The following DHRS2 variants were observed in gnomAD, a reference collection of about 807,000 sequenced individuals.
DHRS2 encodes the protein dehydrogenase/reductase SDR family member 2, mitochondrial.
Under a neutral mutation model 26.3 loss-of-function variants are expected in DHRS2, and 29 were observed. That is an observed-to-expected ratio of 1.10 (90% CI 0.82 to 1.50). The LOEUF is 1.50. DHRS2 is among the 40% of genes most tolerant of loss of function. The pLI, the probability that DHRS2 is intolerant of heterozygous loss-of-function variation, is 0.00. For missense variants in DHRS2, 439 were observed against 367.1 expected (o/e 1.20, Z -1.60); for synonymous variants, 164 against 151.3 (o/e 1.08, Z -0.62).
chr14:23,644,367 C>G, intron 6 of DHRS2, 42 bp from the exon 7 acceptor site: 2 of 1,610,788 alleles, frequency 1.2e-6, no homozygotes, highest in African/African-American at 1.3e-5. Context: ...TGCTTTCCCC[C>G]ACTCTCCCAT....
chr14:23,644,650 A>G (rs1323336653), intron 7 of DHRS2, 107 bp downstream of exon 7: 1 of 1,547,790 alleles, frequency 6.5e-7, no homozygotes, highest in Non-Finnish European at 8.9e-7. Flanking sequence ...CATGCCTATG[A>G]CTGAGGTCCT....
chr14:23,638,974 G>T lies in DHRS2; in HGVS notation c.110G>T (p.Arg37Leu), dbSNP rs562008596. 3.7e-6 allele frequency: 6 copies of T among 1,613,612 alleles called. No individual in the cohort carries two copies. The highest frequency in any genetic ancestry group is 3.3e-5 in the South Asian group (3 of 91,056). ...GIDRKGVLAN[R>L]VAVVTGSTSG... ...GACAGGAAGGGCGTCCTGGCTAACCGGGTAGCCGTGGTCACGGGGTCCACC... is the reference window on the plus strand; with the variant it reads ...GACAGGAAGGGCGTCCTGGCTAACCTGGTAGCCGTGGTCACGGGGTCCACC... Residue 37 changes from arginine (R) to leucine (L), a missense_variant, in exon 2 of 9, where the codon CGG becomes CTG. Coordinates refer to ENST00000250383, the MANE Select transcript of DHRS2 (RefSeq NM_005794.4).
In DHRS2 at chr14:23,639,210, C is replaced by G; in HGVS notation, c.172C>G (p.Arg58Gly). 3 of 1,613,836 alleles carry G rather than the reference C, an allele frequency of 1.9e-6. No individual in the cohort carries two copies. Among genetic ancestry groups the G allele is most frequent in the Non-Finnish European group, 2.5e-6 (3 of 1,179,916 alleles). Reference protein sequence around the residue: ...IGFAIARRLARDGAHVVISSR... With the variant: ...IGFAIARRLAGDGAHVVISSR... The stretch of plus-strand genomic sequence containing the variant: ...CTTTGCCATCGCCCGACGTCTGGCC[C>G]GGGACGGGGCCCACGTGGTCATCAG... The change falls in exon 3 of 9, where the codon CGG becomes GGG. Residue 58 changes from arginine (R) to glycine (G), a missense_variant. Coordinates refer to ENST00000250383, the MANE Select transcript of DHRS2 (RefSeq NM_005794.4).
intron 1 of DHRS2, among the ~76,000 whole-genome samples, chr14:23,630,883 G>A (rs971699605): frequency 6.6e-6 from 1 of 152,210 alleles, no homozygotes; most frequent in Non-Finnish European, 1.5e-5. Flanking sequence ...AAGAGTTGAG[G>A]TCAATAGAAA....
chr14:23,632,469 G>A (rs1347434827), upstream of DHRS2, among the ~76,000 whole-genome samples: 2 of 152,128 alleles, frequency 1.3e-5, no homozygotes, highest in African/African-American at 4.8e-5. Flanking sequence ...GATTGTTTTT[G>A]GAAATACAAT....
At chr14:23,643,296 C>T in intron 5 of DHRS2, 77 bp downstream of exon 5, 3 of 1,337,140 alleles carry the variant, frequency 2.2e-6, no homozygotes, top group Non-Finnish European at 3.2e-6. Flanking sequence ...GGTAGCACAG[C>T]CAGTAGTGGG....
upstream of DHRS2, among the ~76,000 whole-genome samples, chr14:23,633,338 C>T (rs573548430): frequency 7.9e-5 from 12 of 152,302 alleles, no homozygotes; most frequent in East Asian, 2.1e-3. Context: ...CAATCAGCAC[C>T]GGCCTGCTGG....
chr14:23,634,036 A>G (rs1374112691), upstream of DHRS2, among the ~76,000 whole-genome samples: 1 of 149,272 alleles, frequency 6.7e-6, no homozygotes, highest in Non-Finnish European at 1.5e-5. Flanking sequence ...CCAGCACGCT[A>G]GAAGCTCTTT....
chr14:23,644,789 T>C (rs1276823748), intron 7 of DHRS2, 38 bp from the exon 8 acceptor site: 2 of 1,611,590 alleles, frequency 1.2e-6, no homozygotes, highest in Non-Finnish European at 1.7e-6. Flanking sequence ...CATCTTGTTT[T>C]AGTAGCACTG....
chr14:23,638,028 C>T (rs1300202463), intron 1 of DHRS2: 1 of 152,206 alleles, frequency 6.6e-6, no homozygotes, highest in African/African-American at 2.4e-5. Context: ...AATCTTGATT[C>T]ACTGCTGCTC....
At chr14:23,631,402 C>T (rs1287359698), upstream of DHRS2, among the ~76,000 whole-genome samples, 1 of 152,050 alleles carries the variant, frequency 6.6e-6, no homozygotes, top group African/African-American at 2.4e-5. Flanking sequence ...TTGGAATGCC[C>T]TTTGCCAAGC....
rs1890840541 is a variant in DHRS2, at chr14:23,645,428, C to G, written c.*175C>G. On this transcript the variant is annotated 3_prime_UTR_variant, in exon 9 of 9. Coordinates refer to ENST00000250383, the MANE Select transcript of DHRS2 (RefSeq NM_005794.4). ...AAACGCTTCGGCATTCTCCTTAGGA[C>G]TTATCTGCTTGTAGATTTGGCTGAT... 7.5e-7 allele frequency: 1 copy of G among 1,324,730 alleles called. No individual in the cohort carries two copies. The highest frequency in any genetic ancestry group is 2.2e-5 in the Admixed American group (1 of 45,052). The allele number at this position is 1,324,730 out of a possible 1,614,324, so 82.1% of individuals were successfully genotyped here.
intron 4 of DHRS2, chr14:23,640,390 C>T: frequency 1.0e-6 from 1 of 985,514 alleles, no homozygotes; most frequent in Non-Finnish European, 1.2e-6. Flanking sequence ...AGGACCAGAT[C>T]CAGCCATCAG....
Position 23,639,194 on chromosome 14 carries a change from C to A in DHRS2, c.156C>A (p.Ile52=). ...CTGCATTCAGGATCGGCTTTGCCATCGCCCGACGTCTGGCCCGGGACGGGG... is the reference window on the plus strand; with the variant it reads ...CTGCATTCAGGATCGGCTTTGCCATAGCCCGACGTCTGGCCCGGGACGGGG... The part of the protein sequence containing the change: ...TGSTSGIGFA[I]ARRLARDGAH... Residue 52 remains isoleucine, a synonymous_variant, in exon 3 of 9, where the codon ATC becomes ATA. Transcript: ENST00000250383. 1 of 1,613,550 alleles carries A rather than the reference C, an allele frequency of 6.2e-7. No individual in the cohort carries two copies. The highest frequency in any genetic ancestry group is 8.5e-7 in the Non-Finnish European group (1 of 1,179,874).
intron 4 of DHRS2, chr14:23,640,223 CAG>C: frequency 2.0e-6 from 2 of 1,005,010 alleles, no homozygotes; most frequent in Non-Finnish European, 2.4e-6. Context: ...AATGGTTAGT[CAG>C]AGTCTCTCTG....
At chr14:23,633,773 A>G (rs143130998), upstream of DHRS2, among the ~76,000 whole-genome samples, 1 of 152,332 alleles carries the variant, frequency 6.6e-6, no homozygotes, top group East Asian at 1.9e-4. Flanking sequence ...AGCCCTTTGC[A>G]TAGAACAACT....
rs533750929 is a variant in DHRS2, at chr14:23,639,153, C to T, written c.141-26C>T. 36 of 1,609,564 alleles carry T rather than the reference C, an allele frequency of 2.2e-5. No individual in the cohort carries two copies. The South Asian group carries it at 3.1e-4, about 14-fold the overall frequency. On this transcript the variant is annotated intron_variant, in intron 2 of 8. Transcript: ENST00000250383. ...GACAGTGGAGAGAGGCTGAGGCTGA[C>T]TTTTGCCCTCCATCTCTGCATTCAG...
rs749347875 is a variant in DHRS2 at position 23,639,759 on chromosome 14, G to A, written c.319-35G>A. The A allele has an allele frequency of 3.5e-5, 55 of 1,567,934 alleles. No homozygotes were observed. In the Admixed American group the frequency reaches 3.6e-4, roughly 10 times the overall value. On this transcript the variant is annotated intron_variant, in intron 3 of 8. Transcript: ENST00000250383. ...CCCTGGGAGGGATAGTCCTCCTCAG[G>A]CCATCTCCACACTCATCCAATCTCC...
chr14:23,639,390 G>A (rs1251739845), intron 3 of DHRS2, 34 bp downstream of exon 3: 2 of 1,541,418 alleles, frequency 1.3e-6, no homozygotes, highest in Admixed American at 2.1e-5. Flanking sequence ...ACACAGAGAG[G>A]GGAACATGCA....
Sources: allele counts gnomAD v4.1 joint callset (sites outside exome capture counted in the v4.1 genomes callset), GRCh38; gene constraint gnomAD v4.1.1; transcripts MANE v1.5; gene names NCBI Gene and HGNC (gene_info 2026-07-23, HGNC 2026-07-21).